BUB1: variants seen among roughly 807,000 people sequenced by gnomAD.
BUB1 encodes mitotic checkpoint serine/threonine-protein kinase BUB1.
BUB1 carries 84 observed loss-of-function variants against 135.2 expected under a neutral mutation model. The ratio of observed to expected loss-of-function variants is 0.62; its 90% confidence interval spans 0.52 to 0.74. BUB1 has a LOEUF of 0.74. Ranked by LOEUF, BUB1 falls within the 30% of genes least tolerant of loss-of-function variation. The pLI is 0.00. For synonymous variants in BUB1, 403 were observed against 434.4 expected (o/e 0.93, Z 0.90); for missense variants, 1,162 against 1,288.3 (o/e 0.90, Z 1.50).
chr2:110,663,568 C>T (rs1690156413), intron 9 of BUB1, among the ~76,000 whole-genome samples: 1 of 152,136 alleles, frequency 6.6e-6, no homozygotes, highest in African/African-American at 2.4e-5. Context: ...AAAAATCTCA[C>T]CAACATGACA....
intron 3 of BUB1, among the ~76,000 whole-genome samples, chr2:110,673,305 T>C (rs1574336902): frequency 6.6e-6 from 1 of 152,292 alleles, no homozygotes; most frequent in East Asian, 1.9e-4. Flanking sequence ...ACATTAACCG[T>C]AGGTGTTTCC....
chr2:110,672,674 G>A lies in BUB1; in HGVS notation c.409C>T (p.Gln137Ter). 1 of 1,592,456 alleles carries A rather than the reference G, an allele frequency of 6.3e-7. No homozygotes were observed. The highest frequency in any genetic ancestry group is 8.5e-7 in the Non-Finnish European group (1 of 1,170,822). Residue 137 changes from glutamine (Q) to a stop codon, truncating the protein, a stop_gained, in exon 4 of 25, where the codon CAA (glutamine) becomes TAA (stop). Transcript: ENST00000302759. LOFTEE classifies it high-confidence loss of function. ...CTTTGTAACTACCTGTATTGTTGTT[G>A]CAGGAACTCTCTGGGTTCAGCCTGG... is the stretch of plus-strand genomic sequence containing the variant. ...QNQAEPREFL[Q>*]QQYRLFQTRL... is the part of the protein sequence containing the mutation.
chr2:110,671,822 A>G (rs996003484), intron 4 of BUB1, among the ~76,000 whole-genome samples: 1 of 152,242 alleles, frequency 6.6e-6, no homozygotes, highest in African/African-American at 2.4e-5. Context: ...CGCCAAGGAA[A>G]ATGCCAAAAG....
At chr2:110,662,998 C>A (rs1690139502) in intron 9 of BUB1, among the ~76,000 whole-genome samples, 1 of 152,026 alleles carries the variant, frequency 6.6e-6, no homozygotes, top group African/African-American at 2.4e-5. Context: ...TGAACAATAC[C>A]AGAGATTTTC....
chr2:110,644,642 CAG>C (rs1159642888), intron 19 of BUB1, among the ~76,000 whole-genome samples: 7 of 151,976 alleles, frequency 4.6e-5, no homozygotes, highest in Non-Finnish European at 1.0e-4. Flanking sequence ...GAAAAAGACA[CAG>C]AGAAAATATT....
chr2:110,676,924 T>TA (rs201081695), intron 1 of BUB1, among the ~76,000 whole-genome samples: 10 of 151,726 alleles, frequency 6.6e-5, no homozygotes, highest in African/African-American at 1.9e-4. Flanking sequence ...TTTTTAAAAC[T>TA]AAAAAAAATA....
chr2:110,666,559 G>T, intron 8 of BUB1, 145 bp from the exon 9 acceptor site: 17 of 492,854 alleles, frequency 3.4e-5, no homozygotes, highest in East Asian at 4.4e-5. Context: ...AGTGAAACTT[G>T]TATTACCTTT....
chr2:110,661,911 C>A, intron 9 of BUB1, 70 bp from the exon 10 acceptor site: 1 of 1,540,148 alleles, frequency 6.5e-7, no homozygotes, highest in Non-Finnish European at 8.8e-7. Flanking sequence ...TCAGGCATTA[C>A]ATCTTCTCAA....
chr2:110,677,240 A>C (rs182694544), intron 1 of BUB1, among the ~76,000 whole-genome samples: 51 of 152,354 alleles, frequency 3.3e-4, no homozygotes, highest in Middle Eastern at 3.4e-3. Flanking sequence ...GTTACAGAAA[A>C]AGTCTTAGAG....
At chr2:110,657,436 G>A (rs1689962228) in intron 14 of BUB1, 110 bp downstream of exon 14, 2 of 746,486 alleles carry the variant, frequency 2.7e-6, no homozygotes, top group Non-Finnish European at 4.1e-6. Context: ...TGGTCAAAAG[G>A]CTCATTTGAC....
At chr2:110,667,114 T>C (rs1690280192) in intron 8 of BUB1, among the ~76,000 whole-genome samples, 1 of 152,240 alleles carries the variant, frequency 6.6e-6, no homozygotes. Flanking sequence ...TTCAAATAAC[T>C]GACCTAGAGG....
chr2:110,670,232 G>A (rs1308383763), intron 5 of BUB1, among the ~76,000 whole-genome samples: 1 of 142,658 alleles, frequency 7.0e-6, no homozygotes. Flanking sequence ...TCTGCCTCCC[G>A]GGCTCAAGCA....
chr2:110,640,211 G>GC (rs1689466507), intron 23 of BUB1, among the ~76,000 whole-genome samples: 1 of 152,050 alleles, frequency 6.6e-6, no homozygotes, highest in Non-Finnish European at 1.5e-5. Context: ...CGCCCCCATG[G>GC]CCTCTTGTTG....
intron 1 of BUB1, 123 bp downstream of exon 1, chr2:110,677,847 A>G (rs940041646): frequency 8.4e-7 from 1 of 1,186,778 alleles, no homozygotes; most frequent in Admixed American, 2.8e-5. Context: ...GCTGGGTGGG[A>G]CACATTCCAA....
Position 110,637,842 on chromosome 2 carries a change from A to G in BUB1, c.*122T>C. ...TTTATAACAACTAAGTTACATGGAA[A>G]TATTCCATGGGATTTATTTTTAACA... On this transcript the variant is annotated 3_prime_UTR_variant, in exon 25 of 25. Coordinates refer to ENST00000302759, the MANE Select transcript of BUB1 (RefSeq NM_004336.5). The G allele has an allele frequency of 1.3e-6, 1 of 744,050 alleles. No individual in the cohort carries two copies. Among genetic ancestry groups the G allele is most frequent in the Non-Finnish European group, 1.9e-6 (1 of 516,382 alleles). 46.1% of individuals were successfully genotyped at this position (744,050 alleles called of 1,614,324 possible). A position where few individuals can be genotyped will look rare whatever the true frequency, so the allele number is the denominator to read the frequency against.
intron 15 of BUB1, 79 bp downstream of exon 15, chr2:110,656,957 T>A (rs1165119162): frequency 9.6e-7 from 1 of 1,045,138 alleles, no homozygotes; most frequent in Admixed American, 2.1e-5. Context: ...CACAATATCC[T>A]CTGACTGGCA....
rs1703488371 is a variant in BUB1, at chr2:110,658,841, A to C, written c.1277-99T>G. 18 of 1,433,396 alleles carry C rather than the reference A, an allele frequency of 1.3e-5. 1 individual carries two copies. In the South Asian group the frequency reaches 2.3e-4, roughly 18 times the overall value. 88.8% of individuals were successfully genotyped at this position (1,433,396 alleles called of 1,614,324 possible). A position where few individuals can be genotyped will look rare whatever the true frequency, so the allele number is the denominator to read the frequency against. On this transcript the variant is annotated intron_variant, in intron 11 of 24. Coordinates refer to ENST00000302759, the MANE Select transcript of BUB1 (RefSeq NM_004336.5). ...TAAGTTACAATTAAAACAGTTTGTCATTGTTAAAAATTATCACTAAGAATT... is the reference window on the plus strand; with the variant it reads ...TAAGTTACAATTAAAACAGTTTGTCCTTGTTAAAAATTATCACTAAGAATT...
At chr2:110,649,053 G>A in intron 19 of BUB1, 181 bp downstream of exon 19, 1 of 502,402 alleles carries the variant, frequency 2.0e-6, no homozygotes, top group East Asian at 3.3e-5. Context: ...AGTCCCAACA[G>A]CAAGCACAAT....
chr2:110,650,703 A>G lies in BUB1; in HGVS notation c.2046T>C (p.Ala682=). Residue 682 remains alanine (A), a synonymous_variant, in exon 18 of 25, where the codon GCT becomes GCC. Coordinates refer to ENST00000302759, the MANE Select transcript of BUB1 (RefSeq NM_004336.5). ...CCTCACAGGTAAGTACCCCACCTGC[A>G]GCAGGCTGGCTCAGACGAAGTAAGG... The part of the protein sequence containing the change: ...SASLLRLSQP[A]AGGVLTCEAE... The G allele has an allele frequency of 1.2e-6, 2 of 1,614,090 alleles. No homozygotes were observed. The highest frequency in any genetic ancestry group is 1.7e-6 in the Non-Finnish European group (2 of 1,179,988).
Sources: allele counts gnomAD v4.1 joint callset (sites outside exome capture counted in the v4.1 genomes callset), GRCh38; gene constraint gnomAD v4.1.1; transcripts MANE v1.5; gene names NCBI Gene and HGNC (gene_info 2026-07-23, HGNC 2026-07-21).